ZNF595: variants seen among roughly 807,000 people sequenced by gnomAD.
ZNF595 encodes the protein zinc finger protein 595.
In ZNF595, 9 loss-of-function variants were observed where a neutral mutation model predicts 19.4. The observed-to-expected ratio is 0.46, with a 90% CI of 0.28 to 0.81. ZNF595 has a LOEUF of 0.81. ZNF595 is among the 30% of genes least tolerant of loss of function. The pLI is 0.11. For synonymous variants in ZNF595, 255 were observed against 255.9 expected (o/e 1.00, Z 0.03); for missense variants, 729 against 736.0 (o/e 0.99, Z 0.11).
At chr4:69,228 T>C (rs782548683) in intron 3 of ZNF595, among the ~76,000 whole-genome samples, 2 of 152,214 alleles carry the variant, frequency 1.3e-5, no homozygotes, top group African/African-American at 2.4e-5. Context: ...GGTGCAGATA[T>C]CTCTTTGATG....
chr4:63,371 A>G (rs1712927884), intron 3 of ZNF595, among the ~76,000 whole-genome samples: 1 of 149,692 alleles, frequency 6.7e-6, no homozygotes, highest in South Asian at 2.3e-4. Context: ...TTTGATAGGG[A>G]TGACATTGAA....
intron 3 of ZNF595, among the ~76,000 whole-genome samples, chr4:72,513 G>A (rs1553798037): frequency 6.6e-6 from 1 of 152,048 alleles, no homozygotes; most frequent in African/African-American, 2.4e-5. Context: ...TGCAATAGTT[G>A]ATAAGTCTAC....
intron 3 of ZNF595, among the ~76,000 whole-genome samples, chr4:75,067 G>A (rs1459852495): frequency 2.0e-5 from 3 of 149,832 alleles, no homozygotes; most frequent in Non-Finnish European, 3.0e-5. Context: ...TGTCTGATAC[G>A]GCCACTGCTA....
chr4:71,528 C>T (rs10016464), intron 3 of ZNF595, among the ~76,000 whole-genome samples: 1,962 of 152,198 alleles, frequency 0.013, 47 homozygotes, highest in African/African-American at 0.045. Context: ...TCAGAACTGT[C>T]TGGGAAGACC....
At chr4:70,854 T>C (rs1450856314) in intron 3 of ZNF595, among the ~76,000 whole-genome samples, 1 of 152,242 alleles carries the variant, frequency 6.6e-6, no homozygotes, top group Admixed American at 6.5e-5. Flanking sequence ...CTGTCTACAT[T>C]GTAGAATTGT....
intron 3 of ZNF595, among the ~76,000 whole-genome samples, chr4:60,704 C>A (rs1712817563): frequency 6.6e-6 from 1 of 152,296 alleles, no homozygotes; most frequent in Non-Finnish European, 1.5e-5. Flanking sequence ...TGGTGTGCAT[C>A]ACCCTGCTTA....
intron 3 of ZNF595, among the ~76,000 whole-genome samples, chr4:85,240 G>A (rs782812218): frequency 6.6e-5 from 10 of 152,138 alleles, no homozygotes; most frequent in African/African-American, 1.7e-4. Flanking sequence ...AAACATTTAC[G>A]TTTGGTCTTA....
At chr4:83,561 A>G (rs969773676) in intron 3 of ZNF595, among the ~76,000 whole-genome samples, 5 of 142,836 alleles carry the variant, frequency 3.5e-5, no homozygotes, top group Non-Finnish European at 6.0e-5. Flanking sequence ...CAGAGCTTGC[A>G]GTGAGCCGAG....
intron 3 of ZNF595, among the ~76,000 whole-genome samples, chr4:82,164 G>T (rs1300614187): frequency 2.0e-5 from 3 of 152,004 alleles, no homozygotes; most frequent in South Asian, 4.1e-4. Flanking sequence ...AGATTGTGGG[G>T]TGCTTCATTG....
Position 86,688 on chromosome 4 carries a change from C to T in ZNF595, c.1184C>T (p.Pro395Leu), listed in dbSNP as rs782340052. Residue 395 changes from proline to leucine, a missense_variant, in exon 4 of 4, where the codon CCC becomes CTC. Physicochemically the swap from Pro to Leu is moderately conservative, Grantham distance 98. Around this residue, in one of 2 missense-constraint regions of ZNF595, gnomAD observed 729 missense variants for 675.3 expected, o/e 1.08. Transcript: ENST00000610261. ...KHKRIHTGEK[P>L]YTCEECGKAF... ...AAGAGAATTCATACTGGAGAGAAAC[C>T]CTACACATGTGAAGAATGTGGCAAA... 8 of 1,613,588 alleles carry T rather than the reference C, an allele frequency of 5.0e-6. No homozygotes were observed. The highest frequency in any genetic ancestry group is 6.8e-6 in the Non-Finnish European group (8 of 1,179,858).
At chr4:64,560 C>T (rs1713003083) in intron 3 of ZNF595, among the ~76,000 whole-genome samples, 3 of 152,408 alleles carry the variant, frequency 2.0e-5, no homozygotes, top group Admixed American at 2.0e-4. Flanking sequence ...TCCAGACTAG[C>T]CTGGCCATTG....
At chr4:74,341 A>T (rs1553798349) in intron 3 of ZNF595, among the ~76,000 whole-genome samples, 1 of 152,184 alleles carries the variant, frequency 6.6e-6, no homozygotes, top group East Asian at 1.9e-4. Context: ...TATGTCTTTT[A>T]GGTGTAGTTC....
intron 3 of ZNF595, among the ~76,000 whole-genome samples, chr4:71,663 T>G (rs1327968942): frequency 6.6e-6 from 1 of 152,204 alleles, no homozygotes. Context: ...AGTGCCCTGA[T>G]GCTAAAGCAC....
chr4:61,777 T>G (rs1581324047), intron 3 of ZNF595, among the ~76,000 whole-genome samples: 1 of 152,224 alleles, frequency 6.6e-6, no homozygotes, highest in African/African-American at 2.4e-5. Context: ...ACAAGTTATG[T>G]TTGAATGGCA....
Position 88,024 on chromosome 4 carries a change from T to C in ZNF595, c.*573T>C, listed in dbSNP as rs1325607916. 1 of 151,720 alleles carries C rather than the reference T, an allele frequency of 6.6e-6. No individual in the cohort carries two copies. The highest frequency in any genetic ancestry group is 1.5e-5 in the Non-Finnish European group (1 of 68,032). 9.4% of individuals were successfully genotyped at this position (151,720 alleles called of 1,614,324 possible). On this transcript the variant is annotated 3_prime_UTR_variant, in exon 4 of 4. Coordinates refer to ENST00000610261, the MANE Select transcript of ZNF595 (RefSeq NM_182524.4). Reference sequence around the variant, plus strand: ...TGTGAGCCATCGTACCTGGCCACTTTAATTATTTTTAAATGTGCAATTATT... The same window carrying C: ...TGTGAGCCATCGTACCTGGCCACTTCAATTATTTTTAAATGTGCAATTATT...
intron 3 of ZNF595, among the ~76,000 whole-genome samples, chr4:64,623 T>A (rs1462320589): frequency 1.3e-5 from 2 of 150,172 alleles, no homozygotes; most frequent in Non-Finnish European, 1.5e-5. Flanking sequence ...AGCAGCATTG[T>A]TTCATTTAAA....
At chr4:83,811 A>G (rs972643396) in intron 3 of ZNF595, among the ~76,000 whole-genome samples, 9 of 149,924 alleles carry the variant, frequency 6.0e-5, no homozygotes, top group African/African-American at 2.2e-4. Context: ...TGATTATTGT[A>G]TTTTTGTCCC....
At position 86,003 on chromosome 4, in the gene ZNF595, C is replaced by A. The variant is rs1714127513; in HGVS notation, c.499C>A (p.His167Asn). 1 of 1,607,978 alleles carries A rather than the reference C, an allele frequency of 6.2e-7. No individual in the cohort carries two copies. Among genetic ancestry groups the A allele is most frequent in the Non-Finnish European group, 8.5e-7 (1 of 1,176,576 alleles). The change falls in exon 4 of 4, where the codon CAT becomes AAT. Residue 167 changes from histidine (H) to asparagine (N), a missense_variant. Transcript: ENST00000610261. ...AAATTCAAACAAACATAAGATAAGA[C>A]ATACTGGAGAGAAACCCTTTAAATG... ...FSNSNKHKIR[H>N]TGEKPFKCTE...
chr4:82,766 T>C (rs570162661), intron 3 of ZNF595, among the ~76,000 whole-genome samples: 4 of 152,186 alleles, frequency 2.6e-5, no homozygotes, highest in Non-Finnish European at 5.9e-5. Flanking sequence ...TTTAAAAAAT[T>C]TGTTAAGACT....
Sources: allele counts gnomAD v4.1 joint callset (sites outside exome capture counted in the v4.1 genomes callset), GRCh38; gene constraint gnomAD v4.1.1; regional missense constraint gnomAD v4.1.1; transcripts MANE v1.5; gene names NCBI Gene and HGNC (gene_info 2026-07-23, HGNC 2026-07-21).